GATAD2B: variants seen among roughly 807,000 people sequenced by gnomAD.
GATAD2B encodes transcriptional repressor p66-beta.
GATAD2B carries 8 observed loss-of-function variants against 64.3 expected under a neutral mutation model. The observed-to-expected ratio is 0.12, with a 90% CI of 0.07 to 0.22. GATAD2B has a LOEUF of 0.22. GATAD2B is among the 10% of genes least tolerant of loss of function. The probability of loss-of-function intolerance (pLI) is 1.00; values close to 1 mark genes in which losing one functional copy is unlikely to be tolerated. For missense variants in GATAD2B, 453 were observed against 752.0 expected (o/e 0.60, Z 4.65); for synonymous variants, 281 against 271.3 (o/e 1.04, Z -0.35).
rs1159204191 is a variant in GATAD2B at position 153,815,280 on chromosome 1, C to CAAAAAA, written c.1216+987_1216+992dup. ...AGGGTCAGACCCTGTCTCAAAAAAA[C>CAAAAAA]AAAAAAAAAAAACAAAAAAAAAAAA... On this transcript the variant is annotated intron_variant, in intron 7 of 10. Coordinates refer to ENST00000368655, the MANE Select transcript of GATAD2B (RefSeq NM_020699.4). Among the ~76,000 whole-genome samples, 514 of 66,548 alleles carry CAAAAAA rather than the reference C, an allele frequency of 7.7e-3. 16 individuals are homozygous for CAAAAAA. The highest frequency in any genetic ancestry group is 0.01 in the Non-Finnish European group (376 of 37,010). 43.7% of individuals were successfully genotyped at this position (66,548 alleles called of 152,430 possible).
intron 1 of GATAD2B, among the ~76,000 whole-genome samples, chr1:153,875,395 T>C (rs1033566317): frequency 1.3e-5 from 2 of 152,120 alleles, no homozygotes; most frequent in African/African-American, 4.8e-5. Flanking sequence ...TAAGAAAGTT[T>C]CTGAATTTGT....
intron 1 of GATAD2B, among the ~76,000 whole-genome samples, chr1:153,886,730 T>G (rs542712757): frequency 6.6e-6 from 1 of 151,752 alleles, no homozygotes; most frequent in African/African-American, 2.4e-5. Flanking sequence ...TTTTTTTTTT[T>G]TCGTATTTTT....
chr1:153,840,026 CTTT>C lies in GATAD2B; in HGVS notation c.-1-11681_-1-11679del, dbSNP rs779722872. ...TCCTAAGTAGAAATGAAAATACTTT[CTTT>C]TTTTTTTTTTTTTTTTTTTTGAGAC... On this transcript the variant is annotated intron_variant, in intron 1 of 10. Coordinates refer to ENST00000368655, the MANE Select transcript of GATAD2B (RefSeq NM_020699.4). Among the ~76,000 whole-genome samples the C allele has an allele frequency of 6.6e-3, 644 of 97,766 alleles. 2 individuals carry two copies. The highest frequency in any genetic ancestry group is 0.026 in the African/African-American group (616 of 23,350). 64.1% of individuals were successfully genotyped at this position (97,766 alleles called of 152,430 possible).
At chr1:153,844,729 A>G (rs1274692420) in intron 1 of GATAD2B, among the ~76,000 whole-genome samples, 2 of 125,462 alleles carry the variant, frequency 1.6e-5, no homozygotes, top group Non-Finnish European at 3.2e-5. Context: ...ACATGGACAC[A>G]CGAAAGGGAA....
chr1:153,834,404 T>G (rs540669140), intron 1 of GATAD2B, among the ~76,000 whole-genome samples: 1 of 151,934 alleles, frequency 6.6e-6, no homozygotes, highest in African/African-American at 2.4e-5. Context: ...TTTCTTTTTC[T>G]TTTTTTTAAG....
At chr1:153,912,243 G>A (rs924012867) in intron 1 of GATAD2B, among the ~76,000 whole-genome samples, 4 of 152,170 alleles carry the variant, frequency 2.6e-5, no homozygotes, top group Non-Finnish European at 5.9e-5. Flanking sequence ...AGAAATTGAA[G>A]AATTTTTTTT....
intron 1 of GATAD2B, among the ~76,000 whole-genome samples, chr1:153,910,436 C>G (rs1271294770): frequency 6.6e-6 from 1 of 152,168 alleles, no homozygotes; most frequent in Non-Finnish European, 1.5e-5. Flanking sequence ...ATATCCAACA[C>G]TTTATTACAA....
intron 9 of GATAD2B, 23 bp downstream of exon 9, chr1:153,811,999 G>C: frequency 6.9e-7 from 1 of 1,445,814 alleles, no homozygotes; most frequent in Non-Finnish European, 9.7e-7. Flanking sequence ...AAAGAAATCA[G>C]GATCAGGCAA....
At chr1:153,857,871 A>G (rs756712306) in intron 1 of GATAD2B, among the ~76,000 whole-genome samples, 128 of 152,354 alleles carry the variant, frequency 8.4e-4, no homozygotes, top group Non-Finnish European at 1.6e-3. Context: ...GAAGGCTGGA[A>G]GCAATAAGAA....
Position 153,806,077 on chromosome 1 carries a change from T to C in GATAD2B, c.*4100A>G, listed in dbSNP as rs1190069148. ...AGGAGGTGGGGTGGGGGAAATCCCT[T>C]GCATAAGAAAGCTTGACACTGAATT... On this transcript the variant is annotated 3_prime_UTR_variant, in exon 11 of 11. Transcript: ENST00000368655. The C allele has an allele frequency of 6.6e-6, 1 of 152,198 alleles. No individual in the cohort carries two copies. The highest frequency in any genetic ancestry group is 1.5e-5 in the Non-Finnish European group (1 of 68,046). The allele number at this position is 152,198 out of a possible 1,614,324, so 9.4% of individuals were successfully genotyped here.
At chr1:153,876,922 G>A (rs1238914968) in intron 1 of GATAD2B, among the ~76,000 whole-genome samples, 6 of 152,256 alleles carry the variant, frequency 3.9e-5, no homozygotes, top group Admixed American at 1.3e-4. Flanking sequence ...AGAATCACTC[G>A]AACCTGGTGA....
At chr1:153,837,088 C>G (rs541895450) in intron 1 of GATAD2B, among the ~76,000 whole-genome samples, 1 of 152,220 alleles carries the variant, frequency 6.6e-6, no homozygotes, top group South Asian at 2.1e-4. Flanking sequence ...CCCTCAAAAT[C>G]CAATGTAAAA....
chr1:153,856,727 G>A (rs1024880536), intron 1 of GATAD2B, among the ~76,000 whole-genome samples: 3 of 152,012 alleles, frequency 2.0e-5, no homozygotes, highest in Non-Finnish European at 4.4e-5. Flanking sequence ...GCAACATAGC[G>A]AGACCCCCAT....
At chr1:153,851,982 AG>A in intron 1 of GATAD2B, 1 of 331,042 alleles carries the variant, frequency 3.0e-6, no homozygotes. Context: ...ACTATAATTG[AG>A]GGCCTTTTTA....
intron 1 of GATAD2B, among the ~76,000 whole-genome samples, chr1:153,887,765 T>C (rs12142733): frequency 0.42 from 63,217 of 151,954 alleles, 14,369 homozygotes; most frequent in Non-Finnish European, 0.53. Context: ...AAGACTTCTA[T>C]TGACTCAAGT....
intron 1 of GATAD2B, among the ~76,000 whole-genome samples, chr1:153,884,035 G>C: frequency 6.6e-6 from 1 of 152,342 alleles, no homozygotes; most frequent in Non-Finnish European, 1.5e-5. Flanking sequence ...GGTGGCTCAC[G>C]CCTATAATCC....
chr1:153,887,223 A>C (rs971257419), intron 1 of GATAD2B, among the ~76,000 whole-genome samples: 6 of 152,358 alleles, frequency 3.9e-5, no homozygotes, highest in East Asian at 3.9e-4. Flanking sequence ...GTTTAGAAAT[A>C]GCACACCAGG....
chr1:153,852,653 C>T, intron 1 of GATAD2B: 1 of 859,160 alleles, frequency 1.2e-6, no homozygotes, highest in Non-Finnish European at 2.0e-6. Flanking sequence ...AAGAACGGAG[C>T]TGAGAAATGG....
At position 153,817,548 on chromosome 1, in the gene GATAD2B, G is replaced by C; in HGVS notation, c.730-6C>G. On this transcript the variant is annotated splice_region_variant and splice_polypyrimidine_tract_variant and intron_variant, in intron 5 of 10. Coordinates refer to ENST00000368655, the MANE Select transcript of GATAD2B (RefSeq NM_020699.4). ...GAACGGATGACACTGTGACCCTGGAGGGGAAGAAGAGGAAAAGAACTAATC... is the reference window on the plus strand; with the variant it reads ...GAACGGATGACACTGTGACCCTGGACGGGAAGAAGAGGAAAAGAACTAATC... The C allele has an allele frequency of 6.3e-7, 1 of 1,579,172 alleles. No individual in the cohort carries two copies. The highest frequency in any genetic ancestry group is 8.6e-7 in the Non-Finnish European group (1 of 1,164,326).
Sources: gnomAD v4.1 joint callset for allele counts (sites outside exome capture counted in the v4.1 genomes callset) on GRCh38, gnomAD v4.1.1 for gene constraint, MANE v1.5 for transcripts, NCBI Gene and HGNC (gene_info 2026-07-23, HGNC 2026-07-21) for gene names.